TRANK1: variants seen among roughly 807,000 people sequenced by gnomAD.
The protein encoded by TRANK1 is tetratricopeptide repeat and ankyrin repeat containing 1, also known as TPR and ankyrin repeat-containing protein 1.
In TRANK1, 198 loss-of-function variants were observed where a neutral mutation model predicts 266.0. The observed-to-expected ratio is 0.74, with a 90% confidence interval of 0.66 to 0.84. The LOEUF (loss-of-function observed/expected upper bound fraction) is 0.84. Among genes scored for constraint, TRANK1 ranks in the 40% least tolerant of loss-of-function variants. TRANK1 has a pLI of 0.00. For missense variants in TRANK1, 3,326 were observed against 3,634.6 expected (o/e 0.92, Z 2.18); for synonymous variants, 1,396 against 1,384.1 (o/e 1.01, Z -0.19).
At position 36,828,158 on chromosome 3, in the gene TRANK1, G is replaced by C. The variant is rs567415763; in HGVS notation, c.*117C>G. 2 of 718,692 alleles carry C rather than the reference G, an allele frequency of 2.8e-6. No individual in the cohort carries two copies. Among genetic ancestry groups the C allele is most frequent in the Non-Finnish European group, 2.4e-6 (1 of 421,376 alleles). 44.5% of individuals were successfully genotyped at this position (718,692 alleles called of 1,614,324 possible). Reference sequence around the variant, plus strand: ...AGAATAAAAAGCAATGGTGTTGTTAGACTCCCCTATTTTTAAAATGCTAAT... The same window carrying C: ...AGAATAAAAAGCAATGGTGTTGTTACACTCCCCTATTTTTAAAATGCTAAT... On this transcript the variant is annotated 3_prime_UTR_variant, in exon 24 of 24. Transcript: ENST00000645898.
At chr3:36,942,451 T>A (rs562284473) in intron 1 of TRANK1, among the ~76,000 whole-genome samples, 31 of 127,878 alleles carry the variant, frequency 2.4e-4, no homozygotes, top group African/African-American at 8.6e-4. Context: ...AAGGCTGCAG[T>A]AGGGTTGCAG....
Position 36,838,777 on chromosome 3 carries a change from G to A in TRANK1, c.5281-61C>T. 3 of 1,491,718 alleles carry A rather than the reference G, an allele frequency of 2.0e-6. No homozygotes were observed. In the South Asian group the frequency reaches 3.6e-5, roughly 18 times the overall value. The allele number at this position is 1,491,718 out of a possible 1,614,324, so 92.4% of individuals were successfully genotyped here. A position where few individuals can be genotyped will look rare whatever the true frequency, so the allele number is the denominator to read the frequency against. The stretch of plus-strand genomic sequence containing the variant: ...AATGGAGGTAACAGACAGAACAACG[G>A]TTAAAGCATGCATTATAAGTTTGTA... On this transcript the variant is annotated intron_variant, in intron 18 of 23. Transcript: ENST00000645898.
chr3:36,920,363 T>C (rs2080198049), intron 1 of TRANK1, among the ~76,000 whole-genome samples: 1 of 152,220 alleles, frequency 6.6e-6, no homozygotes, highest in African/African-American at 2.4e-5. Context: ...GTTTCTGTTA[T>C]GTGCCTCTCT....
Position 36,832,984 on chromosome 3 carries a change from T to C in TRANK1, c.6599A>G (p.Lys2200Arg). The change falls in exon 22 of 24, where the codon AAA becomes AGA. Residue 2200 changes from lysine to arginine, a missense_variant. Physicochemically the swap from Lys to Arg is conservative, Grantham distance 26 (BLOSUM62 2). Transcript: ENST00000645898. The stretch of plus-strand genomic sequence containing the variant: ...ATGTTCACAGTTTTCATCCTCACAT[T>C]TTAAGCCTACAATAAACCTCATGCA... ...GVCMRFIVGL[K>R]CEDENCEHFH... 1 of 1,611,478 alleles carries C rather than the reference T, an allele frequency of 6.2e-7. No individual in the cohort carries two copies. The highest frequency in any genetic ancestry group is 8.5e-7 in the Non-Finnish European group (1 of 1,178,536).
At chr3:36,919,865 A>G (rs932204237) in intron 1 of TRANK1, among the ~76,000 whole-genome samples, 5 of 152,238 alleles carry the variant, frequency 3.3e-5, no homozygotes, top group African/African-American at 1.2e-4. Flanking sequence ...TGTGCCTTTT[A>G]TTGGCCATAT....
At chr3:36,848,944 T>C (rs2078950554) in intron 15 of TRANK1, among the ~76,000 whole-genome samples, 1 of 152,202 alleles carries the variant, frequency 6.6e-6, no homozygotes, top group Non-Finnish European at 1.5e-5. Flanking sequence ...GCTGCTCAGA[T>C]GGCACATGAA....
At chr3:36,851,469 G>T (rs995151946) in intron 15 of TRANK1, 68 of 1,242,676 alleles carry the variant, frequency 5.5e-5, no homozygotes, top group Non-Finnish European at 6.4e-5. Flanking sequence ...TGGCACTTGG[G>T]TACTAGAGAG....
At chr3:36,923,363 C>A (rs6789885) in intron 1 of TRANK1, among the ~76,000 whole-genome samples, 7 of 151,630 alleles carry the variant, frequency 4.6e-5, no homozygotes, top group East Asian at 3.9e-4. Flanking sequence ...TCATGCAACT[C>A]TTCTGCCTCA....
chr3:36,943,179 G>T (rs900277409), intron 1 of TRANK1, among the ~76,000 whole-genome samples: 6 of 151,782 alleles, frequency 4.0e-5, no homozygotes, highest in African/African-American at 1.2e-4. Context: ...GTGACAGAGC[G>T]AGAATCCCTC....
In TRANK1 at chr3:36,869,511, G is replaced by C. The variant is rs149038889; in HGVS notation, c.1078+4615C>G. ...CCATAGATGCAAAAAACAAATGTTA[G>C]GCACAGATACAGCTCCCTAGCGGCA... On this transcript the variant is annotated intron_variant, in intron 9 of 23. Transcript: ENST00000645898. Among the ~76,000 whole-genome samples the C allele has an allele frequency of 3.9e-5, 6 of 152,330 alleles. No homozygotes were observed. The East Asian group carries it at 1.2e-3, about 29-fold the overall frequency.
chr3:36,944,696 G>A lies in TRANK1; in HGVS notation c.23+91C>T. 2.8e-6 allele frequency: 4 copies of A among 1,435,728 alleles called. No individual in the cohort carries two copies. The South Asian group carries it at 3.8e-5, about 14-fold the overall frequency. 88.9% of individuals were successfully genotyped at this position (1,435,728 alleles called of 1,614,324 possible). A position where few individuals can be genotyped will look rare whatever the true frequency, so the allele number is the denominator to read the frequency against. On this transcript the variant is annotated intron_variant, in intron 1 of 23. Transcript: ENST00000645898. ...CCCGTTCGGCCGCTACCTCAGGGTC[G>A]CCAGTCCCCGCGCGCGGCCGCCTCC...
chr3:36,919,704 T>C (rs2125647591), intron 1 of TRANK1, among the ~76,000 whole-genome samples: 1 of 152,340 alleles, frequency 6.6e-6, no homozygotes, highest in African/African-American at 2.4e-5. Context: ...TTCCAAGTGG[T>C]TGAACCAATT....
intron 1 of TRANK1, among the ~76,000 whole-genome samples, chr3:36,935,742 C>T (rs971164062): frequency 2.6e-5 from 4 of 152,146 alleles, no homozygotes; most frequent in Non-Finnish European, 5.9e-5. Context: ...TCACCGCACA[C>T]GGCCAAAGCC....
chr3:36,858,541 C>T (rs2125548167), intron 12 of TRANK1, among the ~76,000 whole-genome samples, 177 bp downstream of exon 12: 1 of 152,330 alleles, frequency 6.6e-6, no homozygotes, highest in East Asian at 1.9e-4. Flanking sequence ...CCATGGTGGT[C>T]ACTTCTTCCC....
chr3:36,937,024 G>C (rs1373442652), intron 1 of TRANK1, among the ~76,000 whole-genome samples: 1 of 152,182 alleles, frequency 6.6e-6, no homozygotes, highest in Admixed American at 6.5e-5. Flanking sequence ...TTGAGCCCGG[G>C]AGGCGGAGGT....
At chr3:36,858,655 G>C in intron 12 of TRANK1, 63 bp downstream of exon 12, 2 of 1,407,070 alleles carry the variant, frequency 1.4e-6, no homozygotes, top group Non-Finnish European at 1.9e-6. Context: ...AGAAAACATA[G>C]CATCAGTTCT....
At chr3:36,943,980 A>G (rs2080533919) in intron 1 of TRANK1, among the ~76,000 whole-genome samples, 1 of 152,086 alleles carries the variant, frequency 6.6e-6, no homozygotes, top group Non-Finnish European at 1.5e-5. Context: ...GATCTGGGAG[A>G]AAAGGTGGCT....
chr3:36,846,157 C>A (rs2078911157), intron 17 of TRANK1, 91 bp downstream of exon 17: 23 of 1,305,102 alleles, frequency 1.8e-5, no homozygotes, highest in Admixed American at 3.0e-5. Context: ...AAAGCACTTT[C>A]AAAATACCAC....
At chr3:36,931,433 A>G (rs2080358844) in intron 1 of TRANK1, among the ~76,000 whole-genome samples, 2 of 152,224 alleles carry the variant, frequency 1.3e-5, no homozygotes, top group South Asian at 4.1e-4. Flanking sequence ...AACCAAGTAC[A>G]GTGGCTCATG....
Sources: gnomAD v4.1 joint callset for allele counts (sites outside exome capture counted in the v4.1 genomes callset) on GRCh38, gnomAD v4.1.1 for gene constraint, MANE v1.5 for transcripts, NCBI Gene and HGNC (gene_info 2026-07-23, HGNC 2026-07-21) for gene names.